The following GPD2 variants were observed in gnomAD, a reference collection of about 807,000 sequenced individuals.
GPD2 encodes the protein glycerol-3-phosphate dehydrogenase 2, also known as glycerol-3-phosphate dehydrogenase, mitochondrial.
GPD2 carries 54 observed loss-of-function variants against 82.4 expected under a neutral mutation model. The observed-to-expected ratio is 0.66, with a 90% CI of 0.53 to 0.82. GPD2 has a LOEUF of 0.82. Ranked by LOEUF, GPD2 falls within the 40% of genes least tolerant of loss-of-function variation. The pLI is 0.00. For missense variants in GPD2, 748 were observed against 896.2 expected (o/e 0.83, Z 2.11); for synonymous variants, 288 against 306.1 (o/e 0.94, Z 0.62).
chr2:156,413,383 A>T, the GPD2 span, among the ~76,000 whole-genome samples: 1 of 151,746 alleles, frequency 6.6e-6, no homozygotes, highest in Non-Finnish European at 1.5e-5. Context: ...GGAGTTTGAG[A>T]CCAGCCTGGC....
chr2:156,514,005 G>A (rs377295650), intron 6 of GPD2, among the ~76,000 whole-genome samples: 1 of 152,186 alleles, frequency 6.6e-6, no homozygotes, highest in East Asian at 1.9e-4. Flanking sequence ...TTTATATGAC[G>A]AAGGTAGATG....
At chr2:156,514,416 C>T (rs1685120721) in intron 6 of GPD2, among the ~76,000 whole-genome samples, 2 of 151,228 alleles carry the variant, frequency 1.3e-5, no homozygotes, top group South Asian at 4.2e-4. Context: ...GAGCCCCCCA[C>T]CCCCGTTGTA....
intron 1 of GPD2, among the ~76,000 whole-genome samples, chr2:156,459,433 T>TC (rs2105171829): frequency 6.6e-6 from 1 of 152,014 alleles, no homozygotes; most frequent in South Asian, 2.1e-4. Flanking sequence ...ACACCTGTAA[T>TC]CCCAGCACTT....
At chr2:156,464,479 C>A (rs1343377157) in intron 1 of GPD2, among the ~76,000 whole-genome samples, 3 of 152,082 alleles carry the variant, frequency 2.0e-5, no homozygotes, top group Admixed American at 2.0e-4. Context: ...AGAAAAAAGA[C>A]TGCAGGATGG....
the GPD2 span, among the ~76,000 whole-genome samples, chr2:156,421,189 A>T: frequency 1.3e-5 from 2 of 152,194 alleles, no homozygotes; most frequent in Non-Finnish European, 2.9e-5. Flanking sequence ...GTTGTTCAAT[A>T]TGGTGTAGTC....
chr2:156,490,827 A>T (rs1684147472), intron 2 of GPD2, among the ~76,000 whole-genome samples: 1 of 152,106 alleles, frequency 6.6e-6, no homozygotes, highest in African/African-American at 2.4e-5. Context: ...AAAAAGCAAA[A>T]CCCTTAAAAT....
intron 8 of GPD2, among the ~76,000 whole-genome samples, chr2:156,553,653 ATTCC>A (rs1686853615): frequency 6.6e-6 from 1 of 151,992 alleles, no homozygotes; most frequent in Non-Finnish European, 1.5e-5. Flanking sequence ...TCTTCTTCCA[ATTCC>A]TTCCTTAAAA....
chr2:156,577,181 G>A (rs891797887), intron 13 of GPD2, among the ~76,000 whole-genome samples: 5 of 152,136 alleles, frequency 3.3e-5, no homozygotes, highest in Non-Finnish European at 7.4e-5. Context: ...AAGGAATCAT[G>A]TCAGAAAAAT....
intron 3 of GPD2, among the ~76,000 whole-genome samples, chr2:156,505,744 T>G (rs1684764605): frequency 6.6e-6 from 1 of 152,214 alleles, no homozygotes; most frequent in Non-Finnish European, 1.5e-5. Flanking sequence ...CCTTCAGGCT[T>G]AATTATTTTA....
At chr2:156,564,682 C>T (rs1687308949) in intron 9 of GPD2, among the ~76,000 whole-genome samples, 1 of 152,014 alleles carries the variant, frequency 6.6e-6, no homozygotes, top group Non-Finnish European at 1.5e-5. Context: ...TGTAGATAAC[C>T]TGATCCAACC....
At chr2:156,535,437 GGAGA>G (rs34554584) in intron 6 of GPD2, among the ~76,000 whole-genome samples, 2 of 80,284 alleles carry the variant, frequency 2.5e-5, no homozygotes, top group African/African-American at 5.1e-5. Context: ...AGGGGGGTGG[GGAGA>G]GAGAGAGAGA....
the GPD2 span, among the ~76,000 whole-genome samples, chr2:156,424,584 G>A: frequency 6.6e-6 from 1 of 152,152 alleles, no homozygotes; most frequent in South Asian, 2.1e-4. Context: ...TAAAATGAAA[G>A]GACTTAGATC....
the GPD2 span, among the ~76,000 whole-genome samples, chr2:156,422,664 G>A: frequency 0.72 from 108,652 of 151,646 alleles, 39,306 homozygotes; most frequent in South Asian, 0.82. Context: ...CTCAGGAGGC[G>A]GACCTTGCAG....
intron 1 of GPD2, 136 bp from the exon 2 acceptor site, chr2:156,475,962 G>T (rs139351936): frequency 1.6e-6 from 1 of 633,384 alleles, no homozygotes; most frequent in African/African-American, 1.8e-5. Context: ...ACATTGGTTT[G>T]TTAGTAATTT....
Position 156,576,727 on chromosome 2 carries a change from T to G in GPD2, c.1768-2162T>G, listed in dbSNP as rs973695073. Among the ~76,000 whole-genome samples the G allele has an allele frequency of 5.9e-5, 9 of 152,316 alleles. No homozygotes were observed. The South Asian group carries it at 8.3e-4, about 14-fold the overall frequency. On this transcript the variant is annotated intron_variant, in intron 13 of 16. Coordinates refer to ENST00000438166, the MANE Select transcript of GPD2 (RefSeq NM_000408.5). ...GAGTACCGTTTATGAAAAAATATCT[T>G]CCAGCTTTGAAATTCCATAATTCCT...
In GPD2 at chr2:156,518,490, G is replaced by A. The variant is rs191135955; in HGVS notation, c.661+4994G>A. 8.0e-3 allele frequency among the ~76,000 whole-genome samples: 1,223 copies of A among 152,290 alleles called. 5 individuals carry two copies. Among genetic ancestry groups the A allele is most frequent in the Non-Finnish European group, 0.012 (801 of 68,036 alleles). On this transcript the variant is annotated intron_variant, in intron 6 of 16. Transcript: ENST00000438166. ...TTGGGGAACGATGCCTCTGGCAAAA[G>A]GCATATTGTGGAATCCAGGCTCTTT...
chr2:156,573,606 G>A (rs1197514034), intron 13 of GPD2, among the ~76,000 whole-genome samples: 1 of 152,114 alleles, frequency 6.6e-6, no homozygotes, highest in Non-Finnish European at 1.5e-5. Context: ...CTGTAAACTG[G>A]TTGTGTTTGG....
Position 156,585,500 on chromosome 2 carries a change from C to T in GPD2, c.*2582C>T, listed in dbSNP as rs1688186462. 6.6e-6 allele frequency: 1 copy of T among 152,384 alleles called. No individual in the cohort carries two copies. The highest frequency in any genetic ancestry group is 6.6e-5 in the Admixed American group (1 of 15,222). The allele number at this position is 152,384 out of a possible 1,614,324, so 9.4% of individuals were successfully genotyped here. ...TGATAATGCTGGATTATTTGTTAAG[C>T]CAAGGTTGTCTGCCTCATATCCATC... On this transcript the variant is annotated 3_prime_UTR_variant, in exon 17 of 17. Coordinates refer to ENST00000438166, the MANE Select transcript of GPD2 (RefSeq NM_000408.5).
At chr2:156,570,866 G>A (rs561933394) in intron 12 of GPD2, among the ~76,000 whole-genome samples, 1 of 152,252 alleles carries the variant, frequency 6.6e-6, no homozygotes, top group South Asian at 2.1e-4. Flanking sequence ...AATGAGAAGT[G>A]ATGCAATTTG....
Sources: allele counts gnomAD v4.1 joint callset (sites outside exome capture counted in the v4.1 genomes callset), GRCh38; gene constraint gnomAD v4.1.1; transcripts MANE v1.5; gene names NCBI Gene and HGNC (gene_info 2026-07-23, HGNC 2026-07-21).